Variants in CASD1 observed in about 807,000 individuals in gnomAD.
The protein encoded by CASD1 is N-acetylneuraminate (7)9-O-acetyltransferase.
Under a neutral mutation model 100.0 loss-of-function variants are expected in CASD1, and 41 were observed. That is an observed-to-expected ratio of 0.41 (90% CI 0.32 to 0.53). The LOEUF (loss-of-function observed/expected upper bound fraction) is 0.53. CASD1 is among the 20% of genes least tolerant of loss of function. The probability of loss-of-function intolerance (pLI) is 0.25; values close to 1 mark genes in which losing one functional copy is unlikely to be tolerated. For synonymous variants in CASD1, 321 were observed against 315.6 expected, an observed-to-expected ratio of 1.02 and a Z score of -0.18; for missense variants, 774 against 948.7, an observed-to-expected ratio of 0.82 and a Z score of 2.42.
chr7:94,629,713 A>G, the CASD1 span: 1 of 1,610,870 alleles, frequency 6.2e-7, no homozygotes, highest in Non-Finnish European at 8.5e-7. Context: ...CTCACAAAGA[A>G]CATACCAGGT....
the CASD1 span, among the ~76,000 whole-genome samples, chr7:94,573,648 A>G: frequency 6.6e-6 from 1 of 152,140 alleles, no homozygotes; most frequent in Non-Finnish European, 1.5e-5. Flanking sequence ...TGGGTTTTTC[A>G]GGATGTAGAA....
At chr7:94,541,041 T>C (rs73423232) in intron 10 of CASD1, among the ~76,000 whole-genome samples, 270 of 152,212 alleles carry the variant, frequency 1.8e-3, no homozygotes, top group African/African-American at 6.3e-3. Flanking sequence ...CATCCTAATA[T>C]ATTCTAATTT....
the CASD1 span, chr7:94,623,243 C>G: frequency 1.2e-6 from 1 of 846,326 alleles, no homozygotes; most frequent in South Asian, 1.7e-5. Flanking sequence ...TTTTAAAATT[C>G]TTGACTATAT....
chr7:94,524,378 A>G (rs1032683086), intron 3 of CASD1: 2 of 152,102 alleles, frequency 1.3e-5, no homozygotes, highest in African/African-American at 4.8e-5. Context: ...CCCAGTAGAC[A>G]AAAGGTGGGG....
chr7:94,523,187 A>G (rs1478944642), intron 3 of CASD1, among the ~76,000 whole-genome samples: 2 of 152,212 alleles, frequency 1.3e-5, no homozygotes, highest in South Asian at 2.1e-4. Context: ...TCAACATTGT[A>G]TTAGAGATTC....
the CASD1 span, among the ~76,000 whole-genome samples, chr7:94,576,250 C>G: frequency 6.6e-6 from 1 of 152,164 alleles, no homozygotes; most frequent in Non-Finnish European, 1.5e-5. Context: ...TTTCTGCTGC[C>G]TGCTCAAATC....
At chr7:94,512,072 C>G (rs954029063) in intron 1 of CASD1, among the ~76,000 whole-genome samples, 4 of 152,198 alleles carry the variant, frequency 2.6e-5, no homozygotes, top group Admixed American at 2.0e-4. Flanking sequence ...TATCCTCATG[C>G]TTTGGCAGTA....
intron 1 of CASD1, among the ~76,000 whole-genome samples, chr7:94,513,623 A>G (rs1272398412): frequency 3.3e-5 from 5 of 152,212 alleles, no homozygotes; most frequent in Non-Finnish European, 7.3e-5. Context: ...TCTGCCAGCA[A>G]CTTACACATA....
chr7:94,631,812 T>G, the CASD1 span, among the ~76,000 whole-genome samples: 1 of 151,954 alleles, frequency 6.6e-6, no homozygotes, highest in South Asian at 2.1e-4. Flanking sequence ...AAATTCAGGA[T>G]CACAACCCTA....
the CASD1 span, chr7:94,603,268 C>T: frequency 6.2e-7 from 1 of 1,600,230 alleles, no homozygotes; most frequent in Non-Finnish European, 8.6e-7. Flanking sequence ...ACTAAACTTG[C>T]AAAAACAAAA....
In CASD1 at chr7:94,550,911, G is replaced by A. The variant is rs143906614; in HGVS notation, c.1816-427G>A. Among the ~76,000 whole-genome samples, 28 of 152,066 alleles carry A rather than the reference G, an allele frequency of 1.8e-4. No homozygotes were observed. In the East Asian group the frequency reaches 3.7e-3, roughly 20 times the overall value. On this transcript the variant is annotated intron_variant, in intron 14 of 17. Transcript: ENST00000297273. ...CCATATTTTTTTCACTTTTATGAGC[G>A]TACACTTCTTTTCAGAATTATGACT... is the stretch of plus-strand genomic sequence containing the variant.
At chr7:94,631,679 A>G in the CASD1 span, among the ~76,000 whole-genome samples, 38 of 152,054 alleles carry the variant, frequency 2.5e-4, no homozygotes, top group South Asian at 2.3e-3. Context: ...TTAAGTCAGT[A>G]ATGCTGGATC....
the CASD1 span, among the ~76,000 whole-genome samples, chr7:94,616,535 T>C: frequency 2.0e-5 from 3 of 152,202 alleles, no homozygotes; most frequent in African/African-American, 2.4e-5. Flanking sequence ...TTAAAGGATT[T>C]ATAGCCCCTG....
the CASD1 span, among the ~76,000 whole-genome samples, chr7:94,563,561 A>C: frequency 6.6e-6 from 1 of 152,080 alleles, no homozygotes; most frequent in Non-Finnish European, 1.5e-5. Context: ...CTAATTTTGC[A>C]AACACTTTTC....
intron 10 of CASD1, among the ~76,000 whole-genome samples, chr7:94,542,865 C>T (rs1412571869): frequency 6.6e-6 from 1 of 152,002 alleles, no homozygotes; most frequent in Non-Finnish European, 1.5e-5. Flanking sequence ...TATGTTACAC[C>T]CTCATTGAAA....
Position 94,517,643 on chromosome 7 carries a change from A to G in CASD1, c.217A>G (p.Lys73Glu). 6.2e-7 allele frequency: 1 copy of G among 1,600,614 alleles called. No homozygotes were observed. The highest frequency in any genetic ancestry group is 1.1e-5 in the South Asian group (1 of 89,852). ...GCAACCTCACAGTTGTATGATGCATAAATACAAAATCAGGTAACATTTCTT... is the reference window on the plus strand; with the variant it reads ...GCAACCTCACAGTTGTATGATGCATGAATACAAAATCAGGTAACATTTCTT... ...VWQPHSCMMHKYKISEAKNCL... is the reference protein window; with the variant it reads ...VWQPHSCMMHEYKISEAKNCL... Residue 73 changes from lysine to glutamate, a missense_variant, in exon 2 of 18, where the codon AAA (lysine) becomes GAA (glutamate). Around this residue, in one of 5 missense-constraint regions of CASD1, gnomAD observed 61 missense variants for 115.9 expected, o/e 0.53. Coordinates refer to ENST00000297273, the MANE Select transcript of CASD1 (RefSeq NM_022900.5).
chr7:94,515,410 C>G (rs1304164958), intron 1 of CASD1, among the ~76,000 whole-genome samples: 1 of 108,160 alleles, frequency 9.2e-6, no homozygotes, highest in Non-Finnish European at 1.8e-5. Context: ...TCTCATTTTG[C>G]TATGGTTTTT....
In CASD1 at chr7:94,544,054, A is replaced by G. The variant is rs193129998; in HGVS notation, c.1357-357A>G. 4.6e-3 allele frequency among the ~76,000 whole-genome samples: 704 copies of G among 152,352 alleles called. 4 individuals are homozygous for G. Among genetic ancestry groups the G allele is most frequent in the Non-Finnish European group, 5.5e-3 (374 of 68,040 alleles). ...TATGACAGTTAATTATAGCTATCAT[A>G]TTGAATTTTAATTGGGTACAAGTTA... is the stretch of plus-strand genomic sequence containing the variant. On this transcript the variant is annotated intron_variant, in intron 10 of 17. Transcript: ENST00000297273.
the CASD1 span, among the ~76,000 whole-genome samples, chr7:94,610,546 A>G: frequency 6.6e-6 from 1 of 152,206 alleles, no homozygotes; most frequent in Non-Finnish European, 1.5e-5. Context: ...TAAGAGCTAA[A>G]ACTATTAAAC....
Sources: allele counts gnomAD v4.1 joint callset (sites outside exome capture counted in the v4.1 genomes callset), GRCh38; gene constraint gnomAD v4.1.1; regional missense constraint gnomAD v4.1.1; transcripts MANE v1.5; gene names NCBI Gene and HGNC (gene_info 2026-07-23, HGNC 2026-07-21).